The following RIMS3 variants were observed in gnomAD, a reference collection of about 807,000 sequenced individuals.
The protein encoded by RIMS3 is regulating synaptic membrane exocytosis 3.
Under a neutral mutation model 29.2 loss-of-function variants are expected in RIMS3, and 15 were observed. The observed-to-expected ratio is 0.51, with a 90% CI of 0.34 to 0.79. The LOEUF is 0.79. RIMS3 is among the 30% of genes least tolerant of loss of function. The pLI is 0.01. For synonymous variants in RIMS3, 161 were observed against 170.1 expected, an observed-to-expected ratio of 0.95 and a Z score of 0.41; for missense variants, 342 against 421.4, an observed-to-expected ratio of 0.81 and a Z score of 1.65.
Position 40,654,685 on chromosome 1 carries a change from A to C in RIMS3, c.-206-6843T>G, listed in dbSNP as rs1038517639. Reference sequence around the variant, plus strand: ...CACACACAAACTCGCACGCTGCAGAAAAACTCCCTCGCAGAGAACTGCAGA... The same window carrying C: ...CACACACAAACTCGCACGCTGCAGACAAACTCCCTCGCAGAGAACTGCAGA... On this transcript the variant is annotated intron_variant, in intron 1 of 7. Transcript: ENST00000372684. The surrounding 1 kb of genome is among the most constrained non-coding windows in gnomAD (Gnocchi z 5.3). Among the ~76,000 whole-genome samples, 3 of 152,052 alleles carry C rather than the reference A, an allele frequency of 2.0e-5. No individual in the cohort carries two copies. Among genetic ancestry groups the C allele is most frequent in the African/African-American group, 7.2e-5 (3 of 41,386 alleles).
At chr1:40,658,153 A>G (rs1186422153) in intron 1 of RIMS3, among the ~76,000 whole-genome samples, 5 of 152,204 alleles carry the variant, frequency 3.3e-5, no homozygotes, top group Non-Finnish European at 7.3e-5. Flanking sequence ...AAAGAGTTAC[A>G]TCTTGGAGGA....
intron 7 of RIMS3, 66 bp downstream of exon 7, chr1:40,628,744 A>G: frequency 6.2e-7 from 1 of 1,607,878 alleles, no homozygotes; most frequent in Non-Finnish European, 8.5e-7. Context: ...ATCATAAATG[A>G]AAAACTTTAA....
At chr1:40,691,622 C>A in the RIMS3 span, 1 of 402,616 alleles carries the variant, frequency 2.5e-6, no homozygotes, top group South Asian at 1.7e-5. Context: ...CTCGCGAGAC[C>A]TCAAGGAGCA....
chr1:40,629,345 C>T lies in RIMS3; in HGVS notation c.500G>A (p.Arg167Gln), dbSNP rs761097260. ...MGDVHIAIMD[R>Q]SGQLEVEVIE... ...CACTTCCACCTCCAGCTGGCCACTCCGGTCCATGATGGCAATGTGCACATC... is the reference window on the plus strand; with the variant it reads ...CACTTCCACCTCCAGCTGGCCACTCTGGTCCATGATGGCAATGTGCACATC... The change falls in exon 6 of 8, where the codon CGG becomes CAG. Residue 167 changes from arginine to glutamine, a missense_variant. By Grantham distance (43) the Arg-to-Gln change is conservative. Transcript: ENST00000372684. 21 of 1,614,032 alleles carry T rather than the reference C, an allele frequency of 1.3e-5. No homozygotes were observed. The highest frequency in any genetic ancestry group is 1.6e-4 in the Middle Eastern group (1 of 6,082).
Position 40,636,955 on chromosome 1 carries a change from G to A in RIMS3, c.218-898C>T, listed in dbSNP as rs1646524359. 6.6e-6 allele frequency among the ~76,000 whole-genome samples: 1 copy of A among 152,218 alleles called. No homozygotes were observed. On this transcript the variant is annotated intron_variant, in intron 3 of 7. Transcript: ENST00000372684. The surrounding 1 kb of genome is among the most constrained non-coding windows in gnomAD (Gnocchi z 4.2). ...TCTCCTCCTGGCGGGGGGCGGATGGGGGAGATGGCCTGAGGGTTTGCAGGG... is the reference window on the plus strand; with the variant it reads ...TCTCCTCCTGGCGGGGGGCGGATGGAGGAGATGGCCTGAGGGTTTGCAGGG...
In RIMS3 at chr1:40,626,726, T is replaced by A. The variant is rs1392144686; in HGVS notation, c.718A>T (p.Ile240Phe). ...EGPQGKVLQVIVWGDYGRMDH... is the reference protein window; with the variant it reads ...EGPQGKVLQVFVWGDYGRMDH... ...ATGCGGCCATAGTCTCCCCAGACGA[T>A]CACCTGCCAGGAGGAAGAGAGGGAG... The change falls in exon 8 of 8, where the codon ATC becomes TTC. Residue 240 changes from isoleucine (I) to phenylalanine (F), a missense_variant. Physicochemically the swap from Ile to Phe is conservative, Grantham distance 21. Transcript: ENST00000372684. 4 of 1,613,994 alleles carry A rather than the reference T, an allele frequency of 2.5e-6. No individual in the cohort carries two copies. The highest frequency in any genetic ancestry group is 3.4e-6 in the Non-Finnish European group (4 of 1,179,998).
At chr1:40,667,815 G>A (rs953204336), upstream of RIMS3, among the ~76,000 whole-genome samples, 9 of 150,728 alleles carry the variant, frequency 6.0e-5, no homozygotes, top group Non-Finnish European at 8.8e-5. Context: ...GCCCCACAAG[G>A]GAATTCAATG....
intron 1 of RIMS3, among the ~76,000 whole-genome samples, chr1:40,661,722 T>C (rs1035860351): frequency 6.6e-6 from 1 of 152,230 alleles, no homozygotes; most frequent in African/African-American, 2.4e-5. Context: ...AACTCCATTT[T>C]ATAGTTGAGG....
At position 40,628,819 on chromosome 1, in the gene RIMS3, C is replaced by T. The variant is rs747912831; in HGVS notation, c.705G>A (p.Lys235=). Residue 235 remains lysine (K), a synonymous_variant, in exon 7 of 8, where the codon AAG becomes AAA. Transcript: ENST00000372684. ...ALLFDEGPQG[K]VLQVIVWGDY... is the part of the protein sequence containing the mutation. ...GCCCTGTGACACCCACCTGCAGCACCTTGCCCTGGGGTCCCTCGTCAAAGA... is the reference window on the plus strand; with the variant it reads ...GCCCTGTGACACCCACCTGCAGCACTTTGCCCTGGGGTCCCTCGTCAAAGA... The T allele has an allele frequency of 5.1e-5, 82 of 1,614,100 alleles. No homozygotes were observed. Among genetic ancestry groups the T allele is most frequent in the Non-Finnish European group, 6.9e-5 (82 of 1,180,046 alleles).
chr1:40,654,275 T>C lies in RIMS3; in HGVS notation c.-206-6433A>G, dbSNP rs954284353. Among the ~76,000 whole-genome samples, 1 of 152,078 alleles carries C rather than the reference T, an allele frequency of 6.6e-6. No individual in the cohort carries two copies. The highest frequency in any genetic ancestry group is 1.5e-5 in the Non-Finnish European group (1 of 68,010). ...GCCGGAAGGCGCCGCCCGCGCCTGCTGCCCACCCTGGGGACCCTCCTCAGA... is the reference window on the plus strand; with the variant it reads ...GCCGGAAGGCGCCGCCCGCGCCTGCCGCCCACCCTGGGGACCCTCCTCAGA... On this transcript the variant is annotated intron_variant, in intron 1 of 7. Coordinates refer to ENST00000372684, the MANE Select transcript of RIMS3 (RefSeq NM_014747.3). This position sits in a 1 kb window ranked among gnomAD's most constrained non-coding sequence, Gnocchi z 5.3.
At chr1:40,690,208 T>C in the RIMS3 span, among the ~76,000 whole-genome samples, 9 of 152,230 alleles carry the variant, frequency 5.9e-5, no homozygotes, top group African/African-American at 2.2e-4. Flanking sequence ...TTGGCAAGCA[T>C]AGTATATGCA....
intron 7 of RIMS3, among the ~76,000 whole-genome samples, 178 bp downstream of exon 7, chr1:40,628,631 GT>G (rs1352821065): frequency 5.3e-5 from 8 of 152,130 alleles, no homozygotes; most frequent in African/African-American, 1.9e-4. Flanking sequence ...CAAAACCTTG[GT>G]TTCCTTATGA....
At chr1:40,671,757 CTTT>C in the RIMS3 span, among the ~76,000 whole-genome samples, 7 of 130,246 alleles carry the variant, frequency 5.4e-5, no homozygotes, top group Admixed American at 1.6e-4. Context: ...CCTTTCTTTT[CTTT>C]TTTTTTTTTT....
At chr1:40,676,903 A>G in the RIMS3 span, among the ~76,000 whole-genome samples, 1 of 152,194 alleles carries the variant, frequency 6.6e-6, no homozygotes, top group Admixed American at 6.5e-5. Flanking sequence ...CCTGGATAAT[A>G]TCTATCACTT....
chr1:40,626,382 G>T lies in RIMS3; in HGVS notation c.*135C>A. On this transcript the variant is annotated 3_prime_UTR_variant, in exon 8 of 8. Transcript: ENST00000372684. ...CACACTACAGTCTCCACTGCCAGCTGGGATGAGCCCAGTAGCCAACAGGCA... is the reference window on the plus strand; with the variant it reads ...CACACTACAGTCTCCACTGCCAGCTTGGATGAGCCCAGTAGCCAACAGGCA... 1 of 809,320 alleles carries T rather than the reference G, an allele frequency of 1.2e-6. No individual in the cohort carries two copies. 50.1% of individuals were successfully genotyped at this position (809,320 alleles called of 1,614,324 possible).
chr1:40,672,259 T>C, the RIMS3 span, among the ~76,000 whole-genome samples: 1 of 139,708 alleles, frequency 7.2e-6, no homozygotes, highest in South Asian at 2.3e-4. Context: ...ACTGCAGTGG[T>C]GCTATCTCGG....
At chr1:40,634,716 C>T (rs1434613961) in intron 4 of RIMS3, among the ~76,000 whole-genome samples, 1 of 151,910 alleles carries the variant, frequency 6.6e-6, no homozygotes, top group African/African-American at 2.4e-5. Context: ...CTGAGGTGGG[C>T]GAATCACCTG....
At chr1:40,662,993 C>G (rs1178371346) in intron 1 of RIMS3, among the ~76,000 whole-genome samples, 1 of 152,170 alleles carries the variant, frequency 6.6e-6, no homozygotes, top group Non-Finnish European at 1.5e-5. Context: ...AAGCTCACCT[C>G]CAACCAGAGA....
In RIMS3 at chr1:40,641,908, T is replaced by C; in HGVS notation, c.18A>G (p.Pro6=). MFNGE[P]GPASSGASRN... ...TGGAGGCCCCAGATGAGGCAGGACC[T>C]GGCTCCCCGTTAAACATGGTCCCCG... Residue 6 remains proline (P), a synonymous_variant, in exon 3 of 8, where the codon CCA becomes CCG. Transcript: ENST00000372684. 6.2e-7 allele frequency: 1 copy of C among 1,613,658 alleles called. No individual in the cohort carries two copies. Among genetic ancestry groups the C allele is most frequent in the Non-Finnish European group, 8.5e-7 (1 of 1,179,726 alleles).
Sources: allele counts gnomAD v4.1 joint callset (sites outside exome capture counted in the v4.1 genomes callset), GRCh38; gene constraint gnomAD v4.1.1; non-coding constraint Gnocchi (gnomAD v3.1); transcripts MANE v1.5; gene names NCBI Gene and HGNC (gene_info 2026-07-23, HGNC 2026-07-21).